The following GXYLT2 variants were observed in gnomAD, a reference collection of about 807,000 sequenced individuals.
GXYLT2 encodes glycosyltransferase 8 domain containing 4.
Under a neutral mutation model 45.8 loss-of-function variants are expected in GXYLT2, and 53 were observed. The observed-to-expected ratio is 1.16, with a 90% confidence interval of 0.93 to 1.46. The LOEUF is 1.46. GXYLT2 is among the 40% of genes most tolerant of loss of function. The probability of loss-of-function intolerance (pLI) is 0.00; values close to 1 mark genes in which losing one functional copy is unlikely to be tolerated. For missense variants in GXYLT2, 551 were observed against 544.4 expected, an observed-to-expected ratio of 1.01 and a Z score of -0.12; for synonymous variants, 219 against 214.2, an observed-to-expected ratio of 1.02 and a Z score of -0.19.
intron 2 of GXYLT2, among the ~76,000 whole-genome samples, chr3:72,911,801 G>A (rs936932710): frequency 1.3e-5 from 2 of 151,584 alleles, no homozygotes; most frequent in African/African-American, 4.9e-5. Context: ...TTGAGACAGG[G>A]TCTCACTCTG....
In GXYLT2 at chr3:72,929,443, T is replaced by C. The variant is rs552874526; in HGVS notation, c.600+7108T>C. 74 of 1,473,490 alleles carry C rather than the reference T, an allele frequency of 5.0e-5. No homozygotes were observed. The African/African-American group carries it at 8.7e-4, about 17-fold the overall frequency. 91.3% of individuals were successfully genotyped at this position (1,473,490 alleles called of 1,614,324 possible). On this transcript the variant is annotated intron_variant, in intron 3 of 6. Coordinates refer to ENST00000389617, the MANE Select transcript of GXYLT2 (RefSeq NM_001080393.2). Reference sequence around the variant, plus strand: ...AAAAATGACCCCCATTTGTGTGACTTCATTGAGACACATTACCTGAATGAG... The same window carrying C: ...AAAAATGACCCCCATTTGTGTGACTCCATTGAGACACATTACCTGAATGAG...
intron 3 of GXYLT2, among the ~76,000 whole-genome samples, chr3:72,940,199 G>T (rs1032879197): frequency 5.3e-5 from 8 of 152,042 alleles, no homozygotes; most frequent in Admixed American, 3.3e-4. Flanking sequence ...GTATGTGTTC[G>T]TGTGTGTTTA....
intron 6 of GXYLT2, among the ~76,000 whole-genome samples, chr3:72,971,158 A>C (rs1461746027): frequency 6.6e-6 from 1 of 152,010 alleles, no homozygotes; most frequent in African/African-American, 2.4e-5. Flanking sequence ...CCTGGTTTGG[A>C]GTTGAGCAGT....
intron 3 of GXYLT2, among the ~76,000 whole-genome samples, chr3:72,940,189 G>A (rs1266762316): frequency 2.0e-5 from 3 of 152,096 alleles, no homozygotes; most frequent in Non-Finnish European, 1.5e-5. Flanking sequence ...ATGCAAAAAT[G>A]TATGTGTTCG....
chr3:72,936,257 G>T (rs1426876214), intron 3 of GXYLT2, among the ~76,000 whole-genome samples: 1 of 148,734 alleles, frequency 6.7e-6, no homozygotes, highest in Non-Finnish European at 1.5e-5. Context: ...GCGCCATTGC[G>T]CTCCAGCCTG....
chr3:72,888,409 C>A lies in GXYLT2; in HGVS notation c.176C>A (p.Ala59Asp), dbSNP rs1709108977. The change falls in exon 1 of 7, where the codon GCC (alanine) becomes GAC (aspartate). Residue 59 changes from alanine (A) to aspartate (D), a missense_variant. Coordinates refer to ENST00000389617, the MANE Select transcript of GXYLT2 (RefSeq NM_001080393.2). ...CCCGCGCGCTGGCCGGGGCCGGGCG[C>A]CCTCCCCGGGGCCAGCCCGGGAGTT... is the stretch of plus-strand genomic sequence containing the variant. Reference protein sequence around the residue: ...PVPARWPGPGALPGASPGVRR... With the variant: ...PVPARWPGPGDLPGASPGVRR... 9.7e-7 allele frequency: 1 copy of A among 1,030,398 alleles called. No homozygotes were observed. Among genetic ancestry groups the A allele is most frequent in the Non-Finnish European group, 1.2e-6 (1 of 861,186 alleles). 63.8% of individuals were successfully genotyped at this position (1,030,398 alleles called of 1,614,324 possible).
rs1710606629 is a variant in GXYLT2 at position 72,954,999 on chromosome 3, G to A, written c.601-99G>A. 6.6e-6 allele frequency: 8 copies of A among 1,219,276 alleles called. No individual in the cohort carries two copies. In the South Asian group the frequency reaches 1.1e-4, roughly 16 times the overall value. 75.5% of individuals were successfully genotyped at this position (1,219,276 alleles called of 1,614,324 possible). ...TAATACGAATCAACAAAAGTTGGTA[G>A]CATTATTTACCTATCAGGCTACTTC... On this transcript the variant is annotated intron_variant, in intron 3 of 6. Transcript: ENST00000389617.
At chr3:72,950,243 T>A (rs1197344703) in intron 3 of GXYLT2, among the ~76,000 whole-genome samples, 10 of 151,922 alleles carry the variant, frequency 6.6e-5, no homozygotes, top group African/African-American at 2.4e-4. Context: ...GGCGAATCAC[T>A]TGAGGTCAGG....
chr3:72,974,889 A>T, intron 6 of GXYLT2, 88 bp from the exon 7 acceptor site: 1 of 993,624 alleles, frequency 1.0e-6, no homozygotes, highest in Non-Finnish European at 1.5e-6. Context: ...GGCTTATCGT[A>T]ATTCCTGTGT....
intron 5 of GXYLT2, among the ~76,000 whole-genome samples, chr3:72,964,615 C>G (rs1710830210): frequency 6.6e-6 from 1 of 152,176 alleles, no homozygotes; most frequent in Admixed American, 6.5e-5. Context: ...GCCATTGCAC[C>G]CAGCCGAGAA....
At position 72,960,008 on chromosome 3, in the gene GXYLT2, C is replaced by T. The variant is rs1311571609; in HGVS notation, c.976+2656C>T. Among the ~76,000 whole-genome samples, 7 of 152,072 alleles carry T rather than the reference C, an allele frequency of 4.6e-5. No individual in the cohort carries two copies. In the South Asian group the frequency reaches 8.3e-4, roughly 18 times the overall value. The stretch of plus-strand genomic sequence containing the variant: ...TCACCCAGGCTGGAGTGTGGTGGCA[C>T]GATCTCGGCTCACTGCAACCTCTGC... On this transcript the variant is annotated intron_variant, in intron 5 of 6. Coordinates refer to ENST00000389617, the MANE Select transcript of GXYLT2 (RefSeq NM_001080393.2).
chr3:72,943,523 C>T (rs1013243653), intron 3 of GXYLT2, among the ~76,000 whole-genome samples: 16 of 151,390 alleles, frequency 1.1e-4, no homozygotes, highest in African/African-American at 1.7e-4. Context: ...ACCACAGGCA[C>T]GCCCCACCAC....
At chr3:72,959,639 CT>C (rs1403591913) in intron 5 of GXYLT2, among the ~76,000 whole-genome samples, 5 of 148,968 alleles carry the variant, frequency 3.4e-5, no homozygotes, top group East Asian at 2.0e-4. Context: ...TAGGTTTCAT[CT>C]TTTTTTTTTC....
chr3:72,912,013 A>ATATTT (rs1156864738), intron 2 of GXYLT2, among the ~76,000 whole-genome samples: 55 of 114,894 alleles, frequency 4.8e-4, no homozygotes, highest in Admixed American at 1.7e-3. Flanking sequence ...ATATATATAT[A>ATATTT]TTTTTTTTTT....
At chr3:72,921,245 C>A (rs1709829179) in intron 2 of GXYLT2, among the ~76,000 whole-genome samples, 1 of 151,910 alleles carries the variant, frequency 6.6e-6, no homozygotes, top group Admixed American at 6.6e-5. Context: ...TATGTTATAA[C>A]TGTTTTCCAT....
chr3:72,952,331 A>C (rs532664325), intron 3 of GXYLT2, among the ~76,000 whole-genome samples: 3 of 152,134 alleles, frequency 2.0e-5, no homozygotes, highest in Admixed American at 6.5e-5. Context: ...CATTTATGAA[A>C]TGGTAGATGA....
chr3:72,967,918 G>A (rs574900227), intron 6 of GXYLT2, among the ~76,000 whole-genome samples, 199 bp downstream of exon 6: 31 of 152,122 alleles, frequency 2.0e-4, no homozygotes, highest in African/African-American at 6.5e-4. Context: ...TTATTTCCAC[G>A]TACACCATTC....
At chr3:72,959,092 A>G (rs1404088877) in intron 5 of GXYLT2, among the ~76,000 whole-genome samples, 2 of 134,278 alleles carry the variant, frequency 1.5e-5, no homozygotes, top group Non-Finnish European at 3.1e-5. Flanking sequence ...ATAGGTGTGC[A>G]TCACCACACC....
chr3:72,898,704 C>T (rs919647029), intron 1 of GXYLT2, among the ~76,000 whole-genome samples: 3 of 152,174 alleles, frequency 2.0e-5, no homozygotes, highest in South Asian at 4.1e-4. Flanking sequence ...GTAGGGGCTT[C>T]ATCTGCTCAG....
Sources: gnomAD v4.1 joint callset for allele counts (sites outside exome capture counted in the v4.1 genomes callset) on GRCh38, gnomAD v4.1.1 for gene constraint, MANE v1.5 for transcripts, NCBI Gene and HGNC (gene_info 2026-07-23, HGNC 2026-07-21) for gene names.